The following GOLGA1 variants were observed in gnomAD, a reference collection of about 807,000 sequenced individuals.
GOLGA1 encodes golgin subfamily A member 1.
Under a neutral mutation model 119.7 loss-of-function variants are expected in GOLGA1, and 63 were observed. The ratio of observed to expected loss-of-function variants is 0.53; its 90% CI spans 0.43 to 0.65. The LOEUF (loss-of-function observed/expected upper bound fraction) is 0.65, where lower values mean the gene tolerates loss of function less well. GOLGA1 is among the 30% of genes least tolerant of loss of function. GOLGA1 has a pLI of 0.00. For missense variants in GOLGA1, 798 were observed against 912.8 expected, an observed-to-expected ratio of 0.87 and a Z score of 1.62; for synonymous variants, 318 against 333.4, an observed-to-expected ratio of 0.95 and a Z score of 0.50.
chr9:124,921,680 C>T (rs771357381), intron 9 of GOLGA1, 43 bp downstream of exon 9: 1 of 1,503,344 alleles, frequency 6.7e-7, no homozygotes, highest in East Asian at 2.3e-5. Context: ...GCCAGAACTA[C>T]ACTAACACCT....
chr9:124,882,083 A>G, intron 20 of GOLGA1, 129 bp from the exon 21 acceptor site: 1 of 654,222 alleles, frequency 1.5e-6, no homozygotes, highest in Non-Finnish European at 2.6e-6. Flanking sequence ...CTGGGAAGGA[A>G]GCACCTCCAG....
chr9:124,893,304 C>T (rs915674720), intron 15 of GOLGA1, among the ~76,000 whole-genome samples: 6 of 152,164 alleles, frequency 3.9e-5, no homozygotes, highest in African/African-American at 1.4e-4. Context: ...TTTTTTAAAA[C>T]TGCTGTCTTT....
At chr9:124,941,848 A>C (rs987015906), upstream of GOLGA1, among the ~76,000 whole-genome samples, 2 of 152,340 alleles carry the variant, frequency 1.3e-5, no homozygotes, top group Non-Finnish European at 1.5e-5. Context: ...CGGAAGACCG[A>C]GGTGGGAGGA....
chr9:124,903,351 A>C (rs1830149148), intron 12 of GOLGA1, among the ~76,000 whole-genome samples: 1 of 151,950 alleles, frequency 6.6e-6, no homozygotes, highest in African/African-American at 2.4e-5. Context: ...GGTGGTCTAT[A>C]TGTGTAGTCC....
In GOLGA1 at chr9:124,926,869, A is replaced by T. The variant is rs551706740; in HGVS notation, c.400-128T>A. ...ACCAAACAAAACAAAAAAGCCAATT[A>T]AAAAAAAATCTATAAACTTGGTTTA... is the stretch of plus-strand genomic sequence containing the variant. On this transcript the variant is annotated intron_variant, in intron 6 of 22. Transcript: ENST00000373555. 3.0e-5 allele frequency: 16 copies of T among 537,570 alleles called. No homozygotes were observed. The Admixed American group carries it at 5.2e-4, about 17-fold the overall frequency. The allele number at this position is 537,570 out of a possible 1,614,324, so 33.3% of individuals were successfully genotyped here.
At chr9:124,918,737 CA>C (rs1161429805) in intron 10 of GOLGA1, among the ~76,000 whole-genome samples, 2 of 151,918 alleles carry the variant, frequency 1.3e-5, no homozygotes, top group East Asian at 3.9e-4. Flanking sequence ...GCCTAGGTGA[CA>C]AAGTGAGACC....
At chr9:124,885,571 GGGA>G (rs141076222) in intron 19 of GOLGA1, among the ~76,000 whole-genome samples, 88,080 of 150,002 alleles carry the variant, frequency 0.59, 26,260 homozygotes, top group Admixed American at 0.64. Flanking sequence ...AGCATGGTGA[GGGA>G]GGGTGGGGTT....
rs1830030090 is a variant in GOLGA1, at chr9:124,898,589, C to T, written c.1367G>A (p.Arg456His). 3 of 1,609,986 alleles carry T rather than the reference C, an allele frequency of 1.9e-6. No individual in the cohort carries two copies. Among genetic ancestry groups the T allele is most frequent in the Non-Finnish European group, 2.5e-6 (3 of 1,176,560 alleles). ...TTCAAATTGGTGATTTTGTAAAGAA[C>T]GTTCATATTCATTCCTGCATTCTTT... is the stretch of plus-strand genomic sequence containing the variant. The part of the protein sequence containing the change: ...ALKECRNEYE[R>H]SLQNHQFELK... Residue 456 changes from arginine to histidine, a missense_variant, in exon 15 of 23, where the codon CGT becomes CAT. Coordinates refer to ENST00000373555, the MANE Select transcript of GOLGA1 (RefSeq NM_002077.4).
rs371978874 is a variant in GOLGA1 at position 124,921,917 on chromosome 9, T to C, written c.562-25A>G. 201 of 1,596,566 alleles carry C rather than the reference T, an allele frequency of 1.3e-4. No homozygotes were observed. The South Asian group carries it at 1.8e-3, about 14-fold the overall frequency. On this transcript the variant is annotated intron_variant, in intron 8 of 22. Coordinates refer to ENST00000373555, the MANE Select transcript of GOLGA1 (RefSeq NM_002077.4). ...GCTGACACAAAAATACAAAGTTTCATTGGGCTATGCTAAGAAAAATACACT... is the reference window on the plus strand; with the variant it reads ...GCTGACACAAAAATACAAAGTTTCACTGGGCTATGCTAAGAAAAATACACT...
intron 11 of GOLGA1, among the ~76,000 whole-genome samples, chr9:124,910,959 G>A (rs1011974273): frequency 2.0e-5 from 3 of 152,186 alleles, no homozygotes; most frequent in Non-Finnish European, 2.9e-5. Flanking sequence ...AAAACGGTTG[G>A]GAACTGCTGC....
chr9:124,921,591 G>A (rs1830570096), intron 9 of GOLGA1, 132 bp downstream of exon 9: 2 of 749,664 alleles, frequency 2.7e-6, no homozygotes, highest in Non-Finnish European at 4.6e-6. Flanking sequence ...AGGCAGGTAA[G>A]GATGTGTCCA....
At chr9:124,884,611 C>T (rs545895836) in intron 19 of GOLGA1, among the ~76,000 whole-genome samples, 26 of 152,288 alleles carry the variant, frequency 1.7e-4, no homozygotes, top group African/African-American at 6.3e-4. Context: ...GATAGAATGA[C>T]TGAGTCAGAA....
chr9:124,928,518 G>A (rs2131513236), intron 5 of GOLGA1, among the ~76,000 whole-genome samples: 1 of 152,184 alleles, frequency 6.6e-6, no homozygotes, highest in East Asian at 1.9e-4. Flanking sequence ...TAATAGACAA[G>A]TATATATATT....
chr9:124,889,748 C>T (rs767518691), intron 16 of GOLGA1, among the ~76,000 whole-genome samples: 3 of 152,206 alleles, frequency 2.0e-5, no homozygotes, highest in Non-Finnish European at 2.9e-5. Context: ...TCGCCTCCCA[C>T]TGCCCCCTGG....
At chr9:124,899,992 G>A (rs958258706) in intron 13 of GOLGA1, 3 of 181,538 alleles carry the variant, frequency 1.7e-5, no homozygotes, top group East Asian at 1.4e-4. Context: ...ACGAAAACAC[G>A]TGCATAGCAC....
chr9:124,925,457 C>T (rs111540362), intron 7 of GOLGA1, among the ~76,000 whole-genome samples: 325 of 151,450 alleles, frequency 2.1e-3, no homozygotes, highest in African/African-American at 5.7e-3. Flanking sequence ...TGGCTCACGA[C>T]TGTAATCCTA....
chr9:124,921,295 A>C, intron 9 of GOLGA1, 55 bp from the exon 10 acceptor site: 1 of 953,716 alleles, frequency 1.0e-6, no homozygotes, highest in South Asian at 1.3e-5. Flanking sequence ...TCTAATATAC[A>C]GTCTTCTGCA....
intron 8 of GOLGA1, 60 bp from the exon 9 acceptor site, chr9:124,921,952 G>A (rs1830578682): frequency 7.1e-7 from 1 of 1,416,962 alleles, no homozygotes; most frequent in Non-Finnish European, 9.9e-7. Context: ...TTAAGATCAG[G>A]CATGCTGGCT....
At chr9:124,911,093 A>T (rs1219381833) in intron 11 of GOLGA1, among the ~76,000 whole-genome samples, 1 of 152,020 alleles carries the variant, frequency 6.6e-6, no homozygotes, top group Non-Finnish European at 1.5e-5. Flanking sequence ...GAATTGTAGA[A>T]GATGTTTAAG....
Sources: gnomAD v4.1 joint callset for allele counts (sites outside exome capture counted in the v4.1 genomes callset) on GRCh38, gnomAD v4.1.1 for gene constraint, MANE v1.5 for transcripts, NCBI Gene and HGNC (gene_info 2026-07-23, HGNC 2026-07-21) for gene names.